GRID1: variants seen among roughly 807,000 people sequenced by gnomAD.
The protein encoded by GRID1 is glutamate ionotropic receptor delta type subunit 1, also known as glutamate receptor ionotropic, delta-1.
GRID1 carries 28 observed loss-of-function variants against 98.0 expected under a neutral mutation model. That is an observed-to-expected ratio of 0.29 (90% confidence interval 0.21 to 0.39). GRID1 has a LOEUF of 0.39. Among genes scored for constraint, GRID1 ranks in the 10% least tolerant of loss-of-function variants. GRID1 has a pLI of 1.00. For synonymous variants in GRID1, 553 were observed against 538.5 expected, an observed-to-expected ratio of 1.03 and a Z score of -0.37; for missense variants, 1,111 against 1,340.5, an observed-to-expected ratio of 0.83 and a Z score of 2.67.
chr10:85,883,601 T>C (rs1841070344), intron 5 of GRID1, among the ~76,000 whole-genome samples: 1 of 151,766 alleles, frequency 6.6e-6, no homozygotes, highest in African/African-American at 2.4e-5. Context: ...TTTTCCGTCA[T>C]GTACGTAATC....
intron 6 of GRID1, among the ~76,000 whole-genome samples, chr10:85,863,998 T>C (rs1843191252): frequency 1.3e-5 from 2 of 152,202 alleles, no homozygotes; most frequent in South Asian, 4.1e-4. Flanking sequence ...GAAAATGTTT[T>C]CATTAAGAAA....
intron 4 of GRID1, among the ~76,000 whole-genome samples, chr10:86,025,565 C>G (rs1246940045): frequency 6.6e-6 from 1 of 152,196 alleles, no homozygotes. Flanking sequence ...TCTACCCCAA[C>G]CACAACCCCA....
chr10:85,917,566 C>A (rs1324892896), intron 4 of GRID1, among the ~76,000 whole-genome samples: 1 of 152,200 alleles, frequency 6.6e-6, no homozygotes, highest in African/African-American at 2.4e-5. Flanking sequence ...CAGTGTAACA[C>A]AAATATCTTT....
rs1189848117 is a variant in GRID1 at position 86,287,196 on chromosome 10, C to T, written c.235+76745G>A. Among the ~76,000 whole-genome samples the T allele has an allele frequency of 3.3e-5, 5 of 152,152 alleles. No homozygotes were observed. In the East Asian group the frequency reaches 9.6e-4, roughly 29 times the overall value. On this transcript the variant is annotated intron_variant, in intron 2 of 15. Transcript: ENST00000327946. Reference sequence around the variant, plus strand: ...GCTGCAGGTGAGGCTGGGGTAGAAACAGGACCAGACAGAAAGCAACCTTGT... The same window carrying T: ...GCTGCAGGTGAGGCTGGGGTAGAAATAGGACCAGACAGAAAGCAACCTTGT...
chr10:85,726,113 CA>C (rs1002512759), intron 10 of GRID1, among the ~76,000 whole-genome samples: 99 of 152,280 alleles, frequency 6.5e-4, no homozygotes, highest in African/African-American at 2.3e-3. Context: ...TGACAGGGGA[CA>C]GGGGACACTC....
At chr10:86,152,539 A>G (rs1845183810) in intron 3 of GRID1, among the ~76,000 whole-genome samples, 1 of 152,236 alleles carries the variant, frequency 6.6e-6, no homozygotes, top group African/African-American at 2.4e-5. Flanking sequence ...CAGGGAGGCC[A>G]CTTCAGGGCA....
chr10:85,883,962 T>C (rs971203949), intron 5 of GRID1, among the ~76,000 whole-genome samples: 4 of 152,210 alleles, frequency 2.6e-5, no homozygotes, highest in African/African-American at 9.6e-5. Flanking sequence ...AAATCTCTCA[T>C]CAGGCTCCAC....
chr10:86,305,885 A>G (rs1341422285), intron 2 of GRID1, among the ~76,000 whole-genome samples: 1 of 152,188 alleles, frequency 6.6e-6, no homozygotes, highest in African/African-American at 2.4e-5. Context: ...GAGGAACTTG[A>G]GGCTTAAGGA....
chr10:86,321,585 C>T (rs181753767), intron 2 of GRID1, among the ~76,000 whole-genome samples: 126 of 152,220 alleles, frequency 8.3e-4, no homozygotes, highest in African/African-American at 2.7e-3. Context: ...AAAGCATATC[C>T]GGGAGAGGGC....
intron 8 of GRID1, among the ~76,000 whole-genome samples, chr10:85,844,961 C>T (rs1177970064): frequency 3.3e-5 from 5 of 151,706 alleles, no homozygotes; most frequent in Non-Finnish European, 7.4e-5. Flanking sequence ...GAAAAAAGAA[C>T]ATCAACCAAA....
At chr10:86,090,528 GAA>G (rs570698645) in intron 4 of GRID1, among the ~76,000 whole-genome samples, 2 of 143,920 alleles carry the variant, frequency 1.4e-5, no homozygotes, top group African/African-American at 5.1e-5. Flanking sequence ...GTGAGACTAT[GAA>G]AAAAAAAAAA....
intron 8 of GRID1, among the ~76,000 whole-genome samples, chr10:85,733,220 C>T (rs1196241895): frequency 6.6e-6 from 1 of 152,140 alleles, no homozygotes; most frequent in African/African-American, 2.4e-5. Flanking sequence ...TCCTTCTACT[C>T]TTGGCATAAG....
At chr10:85,706,829 T>C (rs1841525280) in intron 12 of GRID1, among the ~76,000 whole-genome samples, 1 of 152,228 alleles carries the variant, frequency 6.6e-6, no homozygotes, top group South Asian at 2.1e-4. Context: ...CTGTCTGATC[T>C]TTGACAAACC....
chr10:86,124,870 C>T (rs1844729722), intron 4 of GRID1, among the ~76,000 whole-genome samples: 1 of 152,162 alleles, frequency 6.6e-6, no homozygotes, highest in Admixed American at 6.5e-5. Flanking sequence ...AACCTTAGTC[C>T]CAGGCTCTGG....
chr10:86,261,559 T>A (rs892265360), intron 2 of GRID1, among the ~76,000 whole-genome samples: 5 of 152,202 alleles, frequency 3.3e-5, no homozygotes, highest in African/African-American at 1.2e-4. Flanking sequence ...CCCATATTCC[T>A]GCCCCAAGCC....
At chr10:85,925,300 G>A (rs1841759881) in intron 4 of GRID1, among the ~76,000 whole-genome samples, 1 of 152,200 alleles carries the variant, frequency 6.6e-6, no homozygotes, top group East Asian at 1.9e-4. Flanking sequence ...TCTCACAGAG[G>A]AGCAAGACAT....
intron 8 of GRID1, among the ~76,000 whole-genome samples, chr10:85,731,464 T>TA (rs35732771): frequency 0.59 from 84,098 of 142,946 alleles, 25,453 homozygotes; most frequent in African/African-American, 0.78. Context: ...ATGATACAGT[T>TA]AAAAAAAAAA....
At chr10:86,234,706 G>A (rs1446458599) in intron 2 of GRID1, among the ~76,000 whole-genome samples, 3 of 152,138 alleles carry the variant, frequency 2.0e-5, no homozygotes, top group Non-Finnish European at 2.9e-5. Context: ...AAATATTTAG[G>A]CAGCAAGCAT....
intron 5 of GRID1, among the ~76,000 whole-genome samples, chr10:85,913,654 T>C (rs1841571144): frequency 6.6e-6 from 1 of 152,108 alleles, no homozygotes; most frequent in East Asian, 1.9e-4. Flanking sequence ...CTGGGTGAGC[T>C]GGCACACGCC....
Sources: gnomAD v4.1 joint callset for allele counts (sites outside exome capture counted in the v4.1 genomes callset) on GRCh38, gnomAD v4.1.1 for gene constraint, MANE v1.5 for transcripts, NCBI Gene and HGNC (gene_info 2026-07-23, HGNC 2026-07-21) for gene names.